Variants in TTC3 observed in about 807,000 individuals in gnomAD.
The protein encoded by TTC3 is E3 ubiquitin-protein ligase TTC3.
Under a neutral mutation model 249.6 loss-of-function variants are expected in TTC3, and 180 were observed. The observed-to-expected ratio is 0.72, with a 90% CI of 0.64 to 0.82. The LOEUF is 0.82. TTC3 is among the 40% of genes least tolerant of loss of function. The pLI, the probability that TTC3 is intolerant of heterozygous loss-of-function variation, is 0.00. For missense variants in TTC3, 2,061 were observed against 2,398.4 expected (o/e 0.86, Z 2.94); for synonymous variants, 717 against 805.0 (o/e 0.89, Z 1.85).
In TTC3 at chr21:37,130,351, A is replaced by G. The variant is rs550810146; in HGVS notation, c.1358+1288A>G. On this transcript the variant is annotated intron_variant, in intron 16 of 45. Transcript: ENST00000355666. ...TAAAGAAACCAGATATTAATATATG[A>G]TAATTTTTTAAATGCAGAGTTGTAA... Among the ~76,000 whole-genome samples the G allele has an allele frequency of 1.5e-3, 222 of 151,982 alleles. 2 individuals are homozygous for G. Among genetic ancestry groups the G allele is most frequent in the African/African-American group, 4.9e-3 (203 of 41,236 alleles).
At chr21:37,144,772 A>G in intron 21 of TTC3, 127 bp downstream of exon 21, 5 of 1,149,548 alleles carry the variant, frequency 4.3e-6, no homozygotes, top group South Asian at 1.7e-5. Flanking sequence ...TTTCCCCTCT[A>G]CTGTCTAATG....
At chr21:37,116,912 TA>T (rs1259931106) in intron 11 of TTC3, among the ~76,000 whole-genome samples, 1 of 152,142 alleles carries the variant, frequency 6.6e-6, no homozygotes, top group Non-Finnish European at 1.5e-5. Context: ...TTACGTAATT[TA>T]AAAAAAGCTA....
chr21:37,134,360 A>G (rs1189862625), intron 17 of TTC3, among the ~76,000 whole-genome samples: 3 of 151,962 alleles, frequency 2.0e-5, no homozygotes, highest in Non-Finnish European at 4.4e-5. Flanking sequence ...CTGAAGCAGG[A>G]GAATCGCTTG....
intron 16 of TTC3, among the ~76,000 whole-genome samples, chr21:37,131,298 G>A (rs1197916297): frequency 6.6e-6 from 1 of 152,120 alleles, no homozygotes; most frequent in African/African-American, 2.4e-5. Context: ...AAGGAGAGGA[G>A]GGGGGCTGGA....
intron 33 of TTC3, among the ~76,000 whole-genome samples, chr21:37,167,187 C>T (rs1237408142): frequency 1.3e-5 from 2 of 152,134 alleles, no homozygotes; most frequent in Admixed American, 1.3e-4. Flanking sequence ...AAGAGACAGC[C>T]AGGTAGAAAC....
rs1043513884 is a variant in TTC3, at chr21:37,138,618, G to A, written c.1579-16G>A. ...AATTATATTCAGATTTTTAACTGAG[G>A]CATTTTTATTGACAGCAATTGAACC... On this transcript the variant is annotated splice_polypyrimidine_tract_variant and intron_variant, in intron 18 of 45. Coordinates refer to ENST00000355666, the Ensembl canonical transcript of TTC3. The A allele has an allele frequency of 1.1e-5, 18 of 1,601,180 alleles. No individual in the cohort carries two copies. In the Admixed American group the frequency reaches 2.5e-4, roughly 22 times the overall value.
chr21:37,084,503 T>A (rs1253630032), intron 1 of TTC3, among the ~76,000 whole-genome samples: 1 of 152,200 alleles, frequency 6.6e-6, no homozygotes, highest in African/African-American at 2.4e-5. Flanking sequence ...TCTTTACATG[T>A]ATTAACAGAT....
At chr21:37,084,954 G>A (rs368478200) in intron 1 of TTC3, among the ~76,000 whole-genome samples, 2 of 152,052 alleles carry the variant, frequency 1.3e-5, no homozygotes, top group Non-Finnish European at 2.9e-5. Context: ...GATCGTGCCA[G>A]TGCACTCCAG....
Position 37,188,523 on chromosome 21 carries a change from G to A in TTC3, c.4952G>A (p.Ser1651Asn), listed in dbSNP as rs149561855. The change falls in exon 39 of 46, where the codon AGT (serine) becomes AAT (asparagine). Residue 1651 changes from serine to asparagine, a missense_variant. This residue lies in a region of TTC3 where 1,040 missense variants were observed against 1,186.1 expected (regional missense o/e 0.88). Transcript: ENST00000355666. The stretch of plus-strand genomic sequence containing the variant: ...TCCGTACTTGAAAACTGGAAGGAGA[G>A]TGAAGTGTATAAGCTACAGATCATG... The A allele has an allele frequency of 4.8e-4, 773 of 1,613,800 alleles. 2 individuals are homozygous for A. Among genetic ancestry groups the A allele is most frequent in the Non-Finnish European group, 6.3e-4 (749 of 1,179,912 alleles).
At chr21:37,099,283 T>C (rs1223148240) in intron 10 of TTC3, among the ~76,000 whole-genome samples, 1 of 152,248 alleles carries the variant, frequency 6.6e-6, no homozygotes, top group East Asian at 1.9e-4. Context: ...ATCACTGTTC[T>C]GAGCATTTAA....
intron 1 of TTC3, chr21:37,082,394 G>A (rs2147628735): frequency 1.4e-6 from 1 of 713,428 alleles, no homozygotes; most frequent in South Asian, 6.3e-5. Flanking sequence ...TGTGTTTGGT[G>A]ATCATTGATT....
intron 10 of TTC3, among the ~76,000 whole-genome samples, chr21:37,100,580 T>C (rs2074382316): frequency 6.6e-6 from 1 of 152,168 alleles, no homozygotes; most frequent in East Asian, 1.9e-4. Flanking sequence ...ATCCAACCAC[T>C]TTTGGGTGAA....
chr21:37,082,950 A>G (rs1240237494), intron 1 of TTC3: 16 of 983,472 alleles, frequency 1.6e-5, no homozygotes, highest in Non-Finnish European at 1.8e-5. Flanking sequence ...GAGTTATCCT[A>G]AAGAAAAGTA....
Position 37,188,470 on chromosome 21 carries a change from C to T in TTC3, c.4924-25C>T, listed in dbSNP as rs1338853688. On this transcript the variant is annotated intron_variant, in intron 38 of 45. Transcript: ENST00000355666. ...TTCAGGCTGTCATTTGTAAAATACT[C>T]ATATGTCTTCTGATCTACTGGCAGG... 6 of 1,572,798 alleles carry T rather than the reference C, an allele frequency of 3.8e-6. No homozygotes were observed. The Admixed American group carries it at 8.5e-5, about 22-fold the overall frequency.
intron 10 of TTC3, among the ~76,000 whole-genome samples, chr21:37,101,546 A>G (rs1265210042): frequency 9.7e-6 from 1 of 103,416 alleles, no homozygotes; most frequent in Non-Finnish European, 1.9e-5. Context: ...CATGGTAAGC[A>G]ACAGAGTAGG....
At chr21:37,110,107 A>G (rs866763784) in intron 11 of TTC3, among the ~76,000 whole-genome samples, 43 of 151,892 alleles carry the variant, frequency 2.8e-4, no homozygotes, top group Admixed American at 1.6e-3. Flanking sequence ...AAAGATGGGG[A>G]AAAAACAGAG....
intron 41 of TTC3, among the ~76,000 whole-genome samples, chr21:37,195,244 T>A (rs1172175423): frequency 6.6e-6 from 1 of 152,076 alleles, no homozygotes. Flanking sequence ...GACGGAGGCC[T>A]GAGAGCTGCC....
chr21:37,134,875 A>G (rs140664694), intron 17 of TTC3, among the ~76,000 whole-genome samples: 2 of 152,292 alleles, frequency 1.3e-5, no homozygotes, highest in East Asian at 3.9e-4. Context: ...ATTCAAATAT[A>G]TGTTAGGCAG....
chr21:37,159,372 T>C (rs1186892102), intron 28 of TTC3: 2 of 233,040 alleles, frequency 8.6e-6, no homozygotes, highest in Non-Finnish European at 1.6e-5. Flanking sequence ...GGAGTTTGTC[T>C]GTTTGTCTTT....
Sources: gnomAD v4.1 joint callset for allele counts (sites outside exome capture counted in the v4.1 genomes callset) on GRCh38, gnomAD v4.1.1 for gene constraint, gnomAD v4.1.1 regional missense constraint, MANE v1.5 for transcripts, NCBI Gene and HGNC (gene_info 2026-07-23, HGNC 2026-07-21) for gene names.